KCTD1: variants seen among roughly 807,000 people sequenced by gnomAD.
The protein encoded by KCTD1 is BTB/POZ domain-containing protein KCTD1.
In KCTD1, 24 loss-of-function variants were observed where a neutral mutation model predicts 66.0. The ratio of observed to expected loss-of-function variants is 0.36; its 90% confidence interval spans 0.26 to 0.51. The LOEUF (loss-of-function observed/expected upper bound fraction) is 0.51, where lower values mean the gene tolerates loss of function less well. KCTD1 is among the 20% of genes least tolerant of loss of function. The pLI, the probability that KCTD1 is intolerant of heterozygous loss-of-function variation, is 0.95. For missense variants in KCTD1, 943 were observed against 1,205.2 expected, an observed-to-expected ratio of 0.78 and a Z score of 3.22; for synonymous variants, 511 against 517.2, an observed-to-expected ratio of 0.99 and a Z score of 0.16.
At chr18:26,601,094 G>A (rs549727042) in intron 1 of KCTD1, among the ~76,000 whole-genome samples, 34 of 152,084 alleles carry the variant, frequency 2.2e-4, no homozygotes, top group African/African-American at 5.5e-4. Flanking sequence ...CTAGTCCTAC[G>A]CTTAGAATAG....
intron 1 of KCTD1, among the ~76,000 whole-genome samples, chr18:26,572,162 T>C (rs1598947056): frequency 6.6e-6 from 1 of 151,568 alleles, no homozygotes; most frequent in African/African-American, 2.4e-5. Flanking sequence ...CAGGTTCAAG[T>C]GATTCTCCTG....
At chr18:26,595,227 A>G (rs1836532672) in intron 1 of KCTD1, among the ~76,000 whole-genome samples, 1 of 152,194 alleles carries the variant, frequency 6.6e-6, no homozygotes, top group Admixed American at 6.5e-5. Context: ...TTCCTGTGAT[A>G]GGTCCTGAGC....
intron 1 of KCTD1, among the ~76,000 whole-genome samples, chr18:26,646,098 A>G (rs2145070565): frequency 6.6e-6 from 1 of 152,358 alleles, no homozygotes; most frequent in Non-Finnish European, 1.5e-5. Flanking sequence ...TCCAATAGTA[A>G]TATGCAAATT....
intron 1 of KCTD1, among the ~76,000 whole-genome samples, chr18:26,637,525 T>C (rs897455016): frequency 2.0e-5 from 3 of 152,174 alleles, no homozygotes; most frequent in African/African-American, 7.2e-5. Context: ...CACCCTCCCC[T>C]CTGCCGATTT....
At chr18:26,556,032 A>G (rs1844339057) in intron 1 of KCTD1, among the ~76,000 whole-genome samples, 1 of 1,348 alleles carries the variant, frequency 7.4e-4, no homozygotes, top group Non-Finnish European at 5.2e-3. Flanking sequence ...TGAACTAAAA[A>G]AGAAAAAAAA....
chr18:26,553,560 G>A (rs1019773204), intron 1 of KCTD1, among the ~76,000 whole-genome samples: 28 of 152,300 alleles, frequency 1.8e-4, no homozygotes, highest in African/African-American at 6.7e-4. Context: ...AACTCTCTCT[G>A]AAGCCAGCCT....
upstream of KCTD1, among the ~76,000 whole-genome samples, chr18:26,551,831 T>C (rs1486156691): frequency 6.6e-6 from 1 of 152,242 alleles, no homozygotes; most frequent in Admixed American, 6.5e-5. Context: ...AGAGGCAATA[T>C]TGGTTGTCGT....
upstream of KCTD1, among the ~76,000 whole-genome samples, chr18:26,550,242 G>A (rs1374837522): frequency 6.6e-6 from 1 of 152,198 alleles, no homozygotes; most frequent in Non-Finnish European, 1.5e-5. The surrounding 1 kb of genome is among the most constrained non-coding windows in gnomAD (Gnocchi z 5.4). Context: ...TGAGAGTTAT[G>A]TCAACTGCCT....
intron 1 of KCTD1, among the ~76,000 whole-genome samples, chr18:26,507,781 C>T (rs774703539): frequency 6.6e-5 from 10 of 151,800 alleles, no homozygotes; most frequent in Non-Finnish European, 1.3e-4. Flanking sequence ...CAAAAGGGCA[C>T]GTACTGTATG....
chr18:26,462,586 C>T (rs867853051), intron 3 of KCTD1, among the ~76,000 whole-genome samples: 6 of 152,234 alleles, frequency 3.9e-5, no homozygotes, highest in African/African-American at 9.6e-5. Flanking sequence ...ATCCTTCTTG[C>T]TGCGTTACCA....
chr18:26,549,507 C>T, upstream of KCTD1: 4 of 955,148 alleles, frequency 4.2e-6, no homozygotes, highest in Non-Finnish European at 5.0e-6. Flanking sequence ...GGAAGAGGCG[C>T]TTGGGACCCC....
chr18:26,460,130 G>A (rs1980340376), intron 3 of KCTD1, among the ~76,000 whole-genome samples: 2 of 152,150 alleles, frequency 1.3e-5, no homozygotes, highest in African/African-American at 4.8e-5. Flanking sequence ...AAGGAGCTGA[G>A]TAGATTAGGG....
intron 1 of KCTD1, among the ~76,000 whole-genome samples, chr18:26,568,189 G>A (rs1185215012): frequency 6.6e-6 from 1 of 151,914 alleles, no homozygotes; most frequent in Non-Finnish European, 1.5e-5. Context: ...AAAGAGTGGA[G>A]TAGTTAACAA....
chr18:26,467,344 C>A (rs1052393718), intron 3 of KCTD1, among the ~76,000 whole-genome samples: 1 of 151,974 alleles, frequency 6.6e-6, no homozygotes, highest in East Asian at 1.9e-4. Flanking sequence ...CTCAGTGAGA[C>A]CGTCTCTACA....
At chr18:26,530,356 G>C (rs1042190847) in intron 1 of KCTD1, among the ~76,000 whole-genome samples, 7 of 152,190 alleles carry the variant, frequency 4.6e-5, no homozygotes, top group Non-Finnish European at 1.0e-4. Context: ...GAAGAGATAT[G>C]AGGGTTACAG....
intron 1 of KCTD1, among the ~76,000 whole-genome samples, chr18:26,590,253 T>C (rs1311124801): frequency 6.6e-6 from 1 of 151,802 alleles, no homozygotes; most frequent in Non-Finnish European, 1.5e-5. Flanking sequence ...CTGGCTCATT[T>C]TTTTTTTTTC....
intron 2 of KCTD1, among the ~76,000 whole-genome samples, chr18:26,479,303 G>A (rs534662237): frequency 4.6e-4 from 70 of 152,232 alleles, no homozygotes; most frequent in African/African-American, 1.6e-3. Context: ...ATTCCACCCA[G>A]CACAAGAGGA....
chr18:26,585,957 C>T (rs1986462801), intron 1 of KCTD1, among the ~76,000 whole-genome samples: 1 of 152,286 alleles, frequency 6.6e-6, no homozygotes, highest in Non-Finnish European at 1.5e-5. Context: ...CAGGCTTGAA[C>T]CCAGGAGTTC....
At chr18:26,484,311 A>G (rs1213281682) in intron 2 of KCTD1, among the ~76,000 whole-genome samples, 1 of 152,224 alleles carries the variant, frequency 6.6e-6, no homozygotes, top group African/African-American at 2.4e-5. Context: ...AATTATATCT[A>G]CTTATGAGGA....
Sources: allele counts gnomAD v4.1 joint callset (sites outside exome capture counted in the v4.1 genomes callset), GRCh38; gene constraint gnomAD v4.1.1; non-coding constraint Gnocchi (gnomAD v3.1); transcripts MANE v1.5; gene names NCBI Gene and HGNC (gene_info 2026-07-23, HGNC 2026-07-21).